The following DIP2C variants were observed in gnomAD, a reference collection of about 807,000 sequenced individuals.
DIP2C encodes DIP2 acetate--CoA ligase C (putative).
A neutral mutation model predicts 192.4 loss-of-function variants in DIP2C; 33 were observed. The observed-to-expected ratio is 0.17, with a 90% CI of 0.13 to 0.23. DIP2C has a LOEUF of 0.23. DIP2C is among the 10% of genes least tolerant of loss of function. The pLI is 1.00. For synonymous variants in DIP2C, 979 were observed against 864.1 expected, an observed-to-expected ratio of 1.13 and a Z score of -2.33; for missense variants, 1,537 against 2,110.1, an observed-to-expected ratio of 0.73 and a Z score of 5.32.
At chr10:463,316 T>G (rs1177043548) in intron 3 of DIP2C, among the ~76,000 whole-genome samples, 2 of 152,134 alleles carry the variant, frequency 1.3e-5, no homozygotes, top group Non-Finnish European at 1.5e-5. Context: ...GGATACAAAA[T>G]CAATGTGCAA....
intron 1 of DIP2C, among the ~76,000 whole-genome samples, chr10:610,126 A>G (rs1215845391): frequency 6.6e-6 from 1 of 152,204 alleles, no homozygotes; most frequent in African/African-American, 2.4e-5. Flanking sequence ...CATACACAGG[A>G]GCAGTACTCC....
chr10:361,697 T>C (rs1959535161), intron 22 of DIP2C, among the ~76,000 whole-genome samples: 1 of 152,134 alleles, frequency 6.6e-6, no homozygotes, highest in African/African-American at 2.4e-5. Flanking sequence ...TAAATCTTCA[T>C]ACTACAGAAA....
chr10:330,382 T>G (rs1353880973), intron 29 of DIP2C, among the ~76,000 whole-genome samples: 1 of 152,186 alleles, frequency 6.6e-6, no homozygotes, highest in African/African-American at 2.4e-5. Context: ...GGGGTAAGTG[T>G]GGATTTAACA....
chr10:541,589 A>G (rs867855328), intron 1 of DIP2C, among the ~76,000 whole-genome samples: 1 of 143,298 alleles, frequency 7.0e-6, no homozygotes, highest in African/African-American at 2.7e-5. Flanking sequence ...CCTGGATCCC[A>G]CAGCGTGACC....
chr10:548,219 C>CA (rs1554897773), intron 1 of DIP2C, among the ~76,000 whole-genome samples: 2 of 130,534 alleles, frequency 1.5e-5, no homozygotes, highest in Admixed American at 7.4e-5. Context: ...CCCCCCCCCC[C>CA]ACAGGAAAGC....
intron 10 of DIP2C, among the ~76,000 whole-genome samples, chr10:397,929 G>A (rs1964125384): frequency 6.6e-6 from 1 of 152,224 alleles, no homozygotes; most frequent in Non-Finnish European, 1.5e-5. Context: ...CTCATCCTCT[G>A]TTTGAAATTC....
chr10:447,824 G>T (rs12775001), intron 3 of DIP2C, among the ~76,000 whole-genome samples: 3 of 102,304 alleles, frequency 2.9e-5, no homozygotes, highest in African/African-American at 1.2e-4. Flanking sequence ...CACTCCCGTC[G>T]ATACTCAGGA....
chr10:559,247 G>A (rs533149138), intron 1 of DIP2C, among the ~76,000 whole-genome samples: 3 of 151,606 alleles, frequency 2.0e-5, no homozygotes, highest in African/African-American at 4.9e-5. Flanking sequence ...CCCTCGATCC[G>A]GGACCACAGA....
intron 31 of DIP2C, among the ~76,000 whole-genome samples, chr10:324,047 C>T (rs1012750370): frequency 6.6e-6 from 1 of 152,208 alleles, no homozygotes; most frequent in African/African-American, 2.4e-5. Flanking sequence ...CGACTCCGCC[C>T]TTTCACTGTG....
chr10:282,967 C>T (rs1954913640), intron 35 of DIP2C, among the ~76,000 whole-genome samples: 1 of 152,258 alleles, frequency 6.6e-6, no homozygotes, highest in Non-Finnish European at 1.5e-5. Context: ...GTCTGAGACT[C>T]TGAGCACTTT....
chr10:321,307 C>G (rs1375382265), intron 31 of DIP2C, among the ~76,000 whole-genome samples: 1 of 152,228 alleles, frequency 6.6e-6, no homozygotes, highest in Non-Finnish European at 1.5e-5. Context: ...ATCCTGCAGT[C>G]ATAACACTCA....
intron 8 of DIP2C, among the ~76,000 whole-genome samples, chr10:413,688 G>A (rs1176170571): frequency 2.0e-5 from 3 of 152,140 alleles, no homozygotes; most frequent in Non-Finnish European, 4.4e-5. Context: ...GCGAGGGGGT[G>A]GGCAAAGGGC....
chr10:443,305 T>C (rs1967897631), intron 3 of DIP2C, among the ~76,000 whole-genome samples: 1 of 152,258 alleles, frequency 6.6e-6, no homozygotes, highest in Non-Finnish European at 1.5e-5. Context: ...TTACTCATTT[T>C]ATCTTTCATC....
chr10:423,300 C>T (rs923370904), intron 4 of DIP2C, among the ~76,000 whole-genome samples: 2 of 152,206 alleles, frequency 1.3e-5, no homozygotes, highest in Non-Finnish European at 2.9e-5. Flanking sequence ...GACCCATTTC[C>T]TCTACACAGC....
intron 1 of DIP2C, among the ~76,000 whole-genome samples, chr10:619,525 C>A (rs1361375544): frequency 3.8e-5 from 2 of 52,426 alleles, no homozygotes; most frequent in African/African-American, 2.5e-4. Context: ...AGGGCCAGGA[C>A]CAAGCCCGCC....
chr10:283,812 A>G (rs757835160), intron 34 of DIP2C, among the ~76,000 whole-genome samples: 6 of 152,220 alleles, frequency 3.9e-5, no homozygotes, highest in Non-Finnish European at 7.3e-5. Flanking sequence ...AGCAAGAACA[A>G]TGCTGAAAAG....
chr10:639,454 C>G (rs1185807308), intron 1 of DIP2C, among the ~76,000 whole-genome samples: 1 of 149,708 alleles, frequency 6.7e-6, no homozygotes, highest in East Asian at 1.9e-4. Flanking sequence ...TGGGAGGGTG[C>G]TGCCCGGCTC....
At chr10:499,236 C>A (rs1483163869) in intron 1 of DIP2C, among the ~76,000 whole-genome samples, 1 of 152,168 alleles carries the variant, frequency 6.6e-6, no homozygotes, top group Non-Finnish European at 1.5e-5. Flanking sequence ...AGGTTTCCCA[C>A]ATGTGGTGCT....
chr10:523,333 G>A (rs1007489247), intron 1 of DIP2C, among the ~76,000 whole-genome samples: 11 of 131,410 alleles, frequency 8.4e-5, no homozygotes, highest in South Asian at 5.0e-4. Context: ...CGTTTCTACC[G>A]GATGCAAAGG....
Sources: allele counts gnomAD v4.1 joint callset (sites outside exome capture counted in the v4.1 genomes callset), GRCh38; gene constraint gnomAD v4.1.1; transcripts MANE v1.5; gene names NCBI Gene and HGNC (gene_info 2026-07-23, HGNC 2026-07-21).